Variants in FAT3 observed in about 807,000 individuals in gnomAD.
FAT3 encodes the protein protocadherin Fat 3.
A neutral mutation model predicts 310.2 loss-of-function variants in FAT3; 95 were observed. The observed-to-expected ratio is 0.31, with a 90% CI of 0.26 to 0.36. The LOEUF is 0.36. FAT3 is among the 10% of genes least tolerant of loss of function. The probability of loss-of-function intolerance (pLI) is 1.00; values close to 1 mark genes in which losing one functional copy is unlikely to be tolerated. For missense variants in FAT3, 5,408 were observed against 5,715.6 expected, an observed-to-expected ratio of 0.95 and a Z score of 1.74; for synonymous variants, 2,314 against 2,192.9, an observed-to-expected ratio of 1.06 and a Z score of -1.54.
intron 3 of FAT3, among the ~76,000 whole-genome samples, chr11:92,631,823 C>A (rs200377086): frequency 6.6e-6 from 1 of 152,024 alleles, no homozygotes; most frequent in Non-Finnish European, 1.5e-5. Context: ...GAGCACTGAG[C>A]GCCTTGTCCA....
intron 2 of FAT3, among the ~76,000 whole-genome samples, chr11:92,441,498 C>T (rs1222552268): frequency 3.3e-5 from 5 of 152,108 alleles, no homozygotes; most frequent in Non-Finnish European, 5.9e-5. Context: ...ATAGCCGACC[C>T]GCAGATCGGG....
chr11:92,612,506 A>G (rs1217395768), intron 3 of FAT3, among the ~76,000 whole-genome samples: 2 of 152,338 alleles, frequency 1.3e-5, no homozygotes, highest in African/African-American at 2.4e-5. Flanking sequence ...GAATAAAGCC[A>G]GGATTTCTAT....
intron 2 of FAT3, among the ~76,000 whole-genome samples, chr11:92,468,552 G>T (rs1157995175): frequency 6.6e-6 from 1 of 152,242 alleles, no homozygotes; most frequent in Non-Finnish European, 1.5e-5. Context: ...TTTGGAGGGT[G>T]TATTAGTCCA....
chr11:92,870,063 A>AT (rs1160845028), intron 22 of FAT3, among the ~76,000 whole-genome samples: 1 of 152,238 alleles, frequency 6.6e-6, no homozygotes, highest in Admixed American at 6.5e-5. Flanking sequence ...TTCAGGACAC[A>AT]TATTTTAGCA....
At chr11:92,447,447 C>G (rs1331536500) in intron 2 of FAT3, among the ~76,000 whole-genome samples, 1 of 151,920 alleles carries the variant, frequency 6.6e-6, no homozygotes, top group Non-Finnish European at 1.5e-5. Flanking sequence ...AGGTGGAGCA[C>G]TTCAAGGTGT....
In FAT3 at chr11:92,263,131, G is replaced by A. The variant is rs144533748; in HGVS notation, c.-18+37957G>A. ...CTTTGTTTCCAGTATTCACAGCTCA[G>A]TGCTGGAGAGTTGACCATTTGTGTA... On this transcript the variant is annotated intron_variant, in intron 1 of 27. Transcript: ENST00000525166. 1.6e-4 allele frequency among the ~76,000 whole-genome samples: 25 copies of A among 152,084 alleles called. No individual in the cohort carries two copies. The East Asian group carries it at 4.7e-3, about 28-fold the overall frequency.
At chr11:92,442,109 A>ATTTTTTTTTTTTTTTTTTTT (rs1258493776) in intron 2 of FAT3, among the ~76,000 whole-genome samples, 1 of 50,090 alleles carries the variant, frequency 2.0e-5, no homozygotes, top group Non-Finnish European at 2.9e-5. Flanking sequence ...ATATATATAT[A>ATTTTTTTTTTTTTTTTTTTT]TATTTTTTTT....
intron 3 of FAT3, among the ~76,000 whole-genome samples, chr11:92,638,207 A>G (rs563016773): frequency 6.6e-6 from 1 of 152,200 alleles, no homozygotes; most frequent in African/African-American, 2.4e-5. Flanking sequence ...TTTAAGCTAC[A>G]TTAAGTAATG....
chr11:92,782,040 T>C (rs1350677806), intron 7 of FAT3, among the ~76,000 whole-genome samples: 1 of 152,154 alleles, frequency 6.6e-6, no homozygotes, highest in East Asian at 1.9e-4. Flanking sequence ...CCAGGCATGG[T>C]GGCTCACATA....
chr11:92,415,396 G>A (rs2134949091), intron 2 of FAT3, among the ~76,000 whole-genome samples: 1 of 152,274 alleles, frequency 6.6e-6, no homozygotes, highest in Middle Eastern at 3.4e-3. Context: ...GTCTGAATAA[G>A]GATGGGCATG....
Position 92,801,430 on chromosome 11 carries a change from A to C in FAT3, c.8417A>C (p.Asp2806Ala). 2 of 1,613,910 alleles carry C rather than the reference A, an allele frequency of 1.2e-6. No homozygotes were observed. The highest frequency in any genetic ancestry group is 1.7e-6 in the Non-Finnish European group (2 of 1,179,870). ...GTGGATGTAGATATCAAGGTATTGGATTTGAATGACAACAAGCCAGTCTTT... is the reference window on the plus strand; with the variant it reads ...GTGGATGTAGATATCAAGGTATTGGCTTTGAATGACAACAAGCCAGTCTTT... ...FTVDVDIKVL[D>A]LNDNKPVFET... Residue 2806 changes from aspartate to alanine, a missense_variant, in exon 10 of 28, where the codon GAT becomes GCT. Physicochemically the swap from Asp to Ala is moderately radical, Grantham distance 126 (BLOSUM62 -2). This residue lies in a region of FAT3 where 4,588 missense variants were observed against 4,809.8 expected (regional missense o/e 0.95). Coordinates refer to ENST00000525166, the MANE Select transcript of FAT3 (RefSeq NM_001367949.2).
At chr11:92,887,284 G>T (rs185160944) in intron 25 of FAT3, among the ~76,000 whole-genome samples, 171 bp downstream of exon 25, 44 of 152,308 alleles carry the variant, frequency 2.9e-4, no homozygotes, top group African/African-American at 1.1e-3. Context: ...CATTGCCAAA[G>T]GAGCCCCCAT....
At chr11:92,624,677 G>A (rs1396883324) in intron 3 of FAT3, among the ~76,000 whole-genome samples, 1 of 152,210 alleles carries the variant, frequency 6.6e-6, no homozygotes, top group Non-Finnish European at 1.5e-5. Flanking sequence ...CTGCTGGGCT[G>A]TGGATTTAGA....
At chr11:92,432,928 C>G (rs957703880) in intron 2 of FAT3, among the ~76,000 whole-genome samples, 1 of 152,186 alleles carries the variant, frequency 6.6e-6, no homozygotes, top group African/African-American at 2.4e-5. Flanking sequence ...CAGAGATGCC[C>G]TGCCCAGAGA....
At chr11:92,861,910 G>C (rs1437267209) in intron 21 of FAT3, among the ~76,000 whole-genome samples, 1 of 152,182 alleles carries the variant, frequency 6.6e-6, no homozygotes, top group African/African-American at 2.4e-5. Context: ...AGTACTCAGT[G>C]GGGTGAAGGG....
chr11:92,463,475 T>A (rs1035912228), intron 2 of FAT3, among the ~76,000 whole-genome samples: 1 of 152,174 alleles, frequency 6.6e-6, no homozygotes, highest in African/African-American at 2.4e-5. Flanking sequence ...AAAATGGGGT[T>A]GAATACTACT....
intron 1 of FAT3, among the ~76,000 whole-genome samples, chr11:92,227,146 A>G (rs1282825379): frequency 1.3e-5 from 2 of 152,252 alleles, no homozygotes; most frequent in East Asian, 3.9e-4. Flanking sequence ...TGTTTAAAAG[A>G]TACACATGAA....
At chr11:92,315,510 TATAGAGAG>T (rs1373213353) in intron 1 of FAT3, among the ~76,000 whole-genome samples, 51 of 78,138 alleles carry the variant, frequency 6.5e-4, no homozygotes, top group South Asian at 1.5e-3. Context: ...TATATATATA[TATAGAGAG>T]AGAGAGAGAG....
rs11828323 is a variant in FAT3, at chr11:92,787,509, T to G, written c.4336-2434T>G. Among the ~76,000 whole-genome samples the G allele has an allele frequency of 5.1e-3, 781 of 152,036 alleles. 7 individuals carry two copies. Among genetic ancestry groups the G allele is most frequent in the African/African-American group, 0.018 (733 of 41,528 alleles). ...GAACTATTCTAAGTGACTTTAAACA[T>G]GCTGGTTTGACTTTATATTCCTAGT... On this transcript the variant is annotated intron_variant, in intron 7 of 27. Transcript: ENST00000525166.
Sources: gnomAD v4.1 joint callset for allele counts (sites outside exome capture counted in the v4.1 genomes callset) on GRCh38, gnomAD v4.1.1 for gene constraint, gnomAD v4.1.1 regional missense constraint, MANE v1.5 for transcripts, NCBI Gene and HGNC (gene_info 2026-07-23, HGNC 2026-07-21) for gene names.